Variants in SCHIP1 observed in about 807,000 individuals in gnomAD.
The protein encoded by SCHIP1 is schwannomin-interacting protein 1.
In SCHIP1, 8 loss-of-function variants were observed where a neutral mutation model predicts 29.7. The observed-to-expected ratio is 0.27, with a 90% CI of 0.16 to 0.49. The LOEUF (loss-of-function observed/expected upper bound fraction) is 0.49. Ranked by LOEUF, SCHIP1 falls within the 20% of genes least tolerant of loss-of-function variation. SCHIP1 has a pLI of 0.99. For missense variants in SCHIP1, 193 were observed against 294.6 expected, an observed-to-expected ratio of 0.66 and a Z score of 2.52; for synonymous variants, 76 against 94.9, an observed-to-expected ratio of 0.80 and a Z score of 1.16.
chr3:159,828,474 C>CGTATATATATGTATATAT, the SCHIP1 span, among the ~76,000 whole-genome samples: 807 of 115,442 alleles, frequency 7.0e-3, 16 homozygotes, highest in East Asian at 9.8e-3. Context: ...TATATATACA[C>CGTATATATATGTATATAT]ACACATACAC....
chr3:159,789,331 G>A, the SCHIP1 span, among the ~76,000 whole-genome samples: 7 of 152,112 alleles, frequency 4.6e-5, no homozygotes, highest in Non-Finnish European at 8.8e-5. Flanking sequence ...GGATGAGACC[G>A]GCCCACTTTA....
At chr3:159,428,770 A>T in the SCHIP1 span, among the ~76,000 whole-genome samples, 1 of 152,076 alleles carries the variant, frequency 6.6e-6, no homozygotes, top group African/African-American at 2.4e-5. Context: ...GGCACTATTC[A>T]CAATAGCAAA....
At chr3:159,708,654 C>T in the SCHIP1 span, among the ~76,000 whole-genome samples, 1 of 152,176 alleles carries the variant, frequency 6.6e-6, no homozygotes, top group Admixed American at 6.5e-5. Flanking sequence ...ATGAAACCTT[C>T]ACACATTTAC....
the SCHIP1 span, among the ~76,000 whole-genome samples, chr3:159,340,250 A>C: frequency 1.3e-5 from 2 of 152,060 alleles, no homozygotes; most frequent in African/African-American, 4.8e-5. Flanking sequence ...AATAGATGGA[A>C]AACCCTCTCT....
the SCHIP1 span, among the ~76,000 whole-genome samples, chr3:159,778,563 G>A: frequency 7.9e-5 from 12 of 152,044 alleles, no homozygotes; most frequent in Admixed American, 7.2e-4. Flanking sequence ...AAAACTATTC[G>A]ACAACTGTAA....
At chr3:159,572,589 T>A in the SCHIP1 span, among the ~76,000 whole-genome samples, 2 of 152,222 alleles carry the variant, frequency 1.3e-5, no homozygotes, top group Non-Finnish European at 2.9e-5. Flanking sequence ...AGAATGTATA[T>A]TCTGTTTATT....
At chr3:159,666,034 G>A in the SCHIP1 span, among the ~76,000 whole-genome samples, 5 of 152,182 alleles carry the variant, frequency 3.3e-5, no homozygotes, top group African/African-American at 1.2e-4. Flanking sequence ...AGAGCAGAGA[G>A]GAATACGTTT....
chr3:159,693,903 C>T, the SCHIP1 span, among the ~76,000 whole-genome samples: 8 of 152,134 alleles, frequency 5.3e-5, no homozygotes, highest in African/African-American at 1.4e-4. Flanking sequence ...GCTGAGTGTA[C>T]GTGTGTCGTG....
upstream of SCHIP1, among the ~76,000 whole-genome samples, chr3:159,837,718 G>T (rs774102015): frequency 6.7e-6 from 1 of 148,830 alleles, no homozygotes; most frequent in Non-Finnish European, 1.5e-5. Flanking sequence ...TCCATCCCCC[G>T]CCCGAAAAAA....
the SCHIP1 span, among the ~76,000 whole-genome samples, chr3:159,582,584 G>A: frequency 1.1e-4 from 16 of 151,956 alleles, no homozygotes; most frequent in South Asian, 6.2e-4. Context: ...ATTAAAGTAC[G>A]TACATTAGGT....
chr3:159,373,185 C>G, the SCHIP1 span, among the ~76,000 whole-genome samples: 1 of 151,634 alleles, frequency 6.6e-6, no homozygotes, highest in Non-Finnish European at 1.5e-5. Flanking sequence ...ATGTAGCTCT[C>G]TTAATATCCT....
the SCHIP1 span, among the ~76,000 whole-genome samples, chr3:159,776,563 C>T: frequency 4.6e-5 from 7 of 152,102 alleles, no homozygotes; most frequent in Admixed American, 4.6e-4. Context: ...TACAGTGACC[C>T]CATCATCTGA....
the SCHIP1 span, among the ~76,000 whole-genome samples, chr3:159,793,320 G>A: frequency 3.3e-5 from 5 of 152,048 alleles, no homozygotes; most frequent in African/African-American, 1.2e-4. Flanking sequence ...GAAAACCACT[G>A]GCGTAAAGGA....
chr3:159,368,251 C>T, the SCHIP1 span, among the ~76,000 whole-genome samples: 2 of 152,180 alleles, frequency 1.3e-5, no homozygotes, highest in Non-Finnish European at 2.9e-5. Context: ...CCCTTTCTAC[C>T]TTGTTCTGTG....
chr3:159,411,793 GTC>G, the SCHIP1 span, among the ~76,000 whole-genome samples: 1 of 152,082 alleles, frequency 6.6e-6, no homozygotes, highest in Non-Finnish European at 1.5e-5. Flanking sequence ...CAAAATTGAG[GTC>G]TGTGTCATCT....
At chr3:159,688,430 C>T in the SCHIP1 span, among the ~76,000 whole-genome samples, 5 of 152,228 alleles carry the variant, frequency 3.3e-5, no homozygotes, top group South Asian at 2.1e-4. Flanking sequence ...TATCCTTTGC[C>T]GACTTTTTGA....
chr3:159,649,585 C>T, the SCHIP1 span, among the ~76,000 whole-genome samples: 1 of 151,976 alleles, frequency 6.6e-6, no homozygotes, highest in Non-Finnish European at 1.5e-5. Context: ...TGTATATAGA[C>T]AGAAAACTAA....
the SCHIP1 span, among the ~76,000 whole-genome samples, chr3:159,555,178 T>C: frequency 2.0e-5 from 3 of 152,204 alleles, no homozygotes; most frequent in Non-Finnish European, 1.5e-5. Context: ...GTAGGGCTAA[T>C]TCCCCTCTCT....
the SCHIP1 span, among the ~76,000 whole-genome samples, chr3:159,378,159 G>A: frequency 6.6e-5 from 10 of 152,188 alleles, no homozygotes; most frequent in Non-Finnish European, 1.5e-4. Context: ...ACATACATCT[G>A]TATTCTTATT....
Sources: allele counts gnomAD v4.1 joint callset (sites outside exome capture counted in the v4.1 genomes callset), GRCh38; gene constraint gnomAD v4.1.1; transcripts MANE v1.5; gene names NCBI Gene and HGNC (gene_info 2026-07-23, HGNC 2026-07-21).